Variants in POU2F3 observed in about 807,000 individuals in gnomAD.
POU2F3 encodes POU class 2 homeobox 3.
Under a neutral mutation model 59.2 loss-of-function variants are expected in POU2F3, and 23 were observed. The observed-to-expected ratio is 0.39, with a 90% CI of 0.28 to 0.55. The LOEUF (loss-of-function observed/expected upper bound fraction) is 0.55, where lower values mean the gene tolerates loss of function less well. POU2F3 is among the 20% of genes least tolerant of loss of function. POU2F3 has a pLI of 0.66. For missense variants in POU2F3, 473 were observed against 544.5 expected (o/e 0.87, Z 1.31); for synonymous variants, 190 against 214.6 (o/e 0.89, Z 1.00).
intron 1 of POU2F3, among the ~76,000 whole-genome samples, chr11:120,244,490 C>A (rs1047599730): frequency 1.3e-5 from 2 of 152,126 alleles, no homozygotes; most frequent in Non-Finnish European, 1.5e-5. Context: ...AATTCACATC[C>A]GAATATGTGG....
At chr11:120,291,576 A>G (rs1223155864) in intron 3 of POU2F3, among the ~76,000 whole-genome samples, 1 of 152,234 alleles carries the variant, frequency 6.6e-6, no homozygotes, top group Non-Finnish European at 1.5e-5. Context: ...TAATTCTATA[A>G]TTCCATCACA....
chr11:120,240,311 G>T lies in POU2F3; in HGVS notation c.-33G>T, dbSNP rs746281764. 1.0e-5 allele frequency: 14 copies of T among 1,362,358 alleles called. No individual in the cohort carries two copies. The highest frequency in any genetic ancestry group is 2.8e-5 in the East Asian group (1 of 35,272). The allele number at this position is 1,362,358 out of a possible 1,614,324, so 84.4% of individuals were successfully genotyped here. A position where few individuals can be genotyped will look rare whatever the true frequency, so the allele number is the denominator to read the frequency against. ...GCTGGGGCAGAGGCGAGGGGCCTGG[G>T]GGGGCGCTGGCTTTGGCCCCGCCTG... On this transcript the variant is annotated 5_prime_UTR_variant, in exon 1 of 13. Transcript: ENST00000543440.
intron 2 of POU2F3, among the ~76,000 whole-genome samples, chr11:120,258,047 T>C (rs892193123): frequency 2.6e-5 from 4 of 152,122 alleles, no homozygotes; most frequent in African/African-American, 9.7e-5. Flanking sequence ...CAAGTGTGAG[T>C]TGCTTTACAA....
intron 3 of POU2F3, among the ~76,000 whole-genome samples, chr11:120,289,114 C>G (rs917334924): frequency 6.6e-6 from 1 of 152,162 alleles, no homozygotes; most frequent in Non-Finnish European, 1.5e-5. Context: ...TGGATACCTT[C>G]TAGAACCCCA....
chr11:120,278,212 C>T (rs547915373), intron 3 of POU2F3, among the ~76,000 whole-genome samples: 1 of 152,206 alleles, frequency 6.6e-6, no homozygotes, highest in Admixed American at 6.5e-5. Context: ...TCCGGTGGGG[C>T]ACTTGGAAGT....
chr11:120,236,797 C>A (rs961696461), upstream of POU2F3: 18 of 1,282,398 alleles, frequency 1.4e-5, no homozygotes, highest in East Asian at 2.8e-4. Flanking sequence ...AGATTGCTCA[C>A]CATTCCCCCT....
At chr11:120,238,679 C>T (rs1040081962), upstream of POU2F3, among the ~76,000 whole-genome samples, 1 of 151,566 alleles carries the variant, frequency 6.6e-6, no homozygotes, top group African/African-American at 2.4e-5. Context: ...CCTAAAAACA[C>T]AAAAATTAGC....
intron 3 of POU2F3, among the ~76,000 whole-genome samples, chr11:120,273,881 G>A (rs893183516): frequency 6.6e-6 from 1 of 152,090 alleles, no homozygotes; most frequent in African/African-American, 2.4e-5. Context: ...GCTGGGTGTG[G>A]TGGCAGGTGC....
At chr11:120,294,835 T>G (rs764753251) in intron 3 of POU2F3, among the ~76,000 whole-genome samples, 10 of 152,170 alleles carry the variant, frequency 6.6e-5, no homozygotes, top group Non-Finnish European at 1.2e-4. Flanking sequence ...TATCTTTCAA[T>G]TTGATTGGTT....
chr11:120,266,476 T>C (rs1939830798), intron 2 of POU2F3, among the ~76,000 whole-genome samples: 1 of 152,138 alleles, frequency 6.6e-6, no homozygotes, highest in Non-Finnish European at 1.5e-5. Context: ...CCCATCCTCC[T>C]TGGATTGAAA....
rs1941706151 is a variant in POU2F3, at chr11:120,313,460, A to G, written c.1069-1901A>G. ...ACTTGTGATGTCATGAAGGAAAAGGAGGGAGAAAATTTTCTGATCCTATCT... is the reference window on the plus strand; with the variant it reads ...ACTTGTGATGTCATGAAGGAAAAGGGGGGAGAAAATTTTCTGATCCTATCT... On this transcript the variant is annotated intron_variant, in intron 10 of 12. Coordinates refer to ENST00000543440, the MANE Select transcript of POU2F3 (RefSeq NM_014352.4). Among the ~76,000 whole-genome samples, 5 of 152,206 alleles carry G rather than the reference A, an allele frequency of 3.3e-5. No individual in the cohort carries two copies. The South Asian group carries it at 1.0e-3, about 32-fold the overall frequency.
intron 2 of POU2F3, chr11:120,256,872 A>G (rs1221297831): frequency 6.6e-6 from 1 of 152,194 alleles, no homozygotes; most frequent in East Asian, 1.9e-4. Flanking sequence ...TGGAGATAAC[A>G]TGGTGTAGTA....
chr11:120,290,887 A>G lies in POU2F3; in HGVS notation c.133-7378A>G, dbSNP rs527739477. ...ATGTGCACTTCCTTTTATTGGATTC[A>G]TCTGGAACCCCATAGTAAAATACAC... On this transcript the variant is annotated intron_variant, in intron 3 of 12. Coordinates refer to ENST00000543440, the MANE Select transcript of POU2F3 (RefSeq NM_014352.4). 5.3e-5 allele frequency among the ~76,000 whole-genome samples: 8 copies of G among 152,338 alleles called. No individual in the cohort carries two copies. The South Asian group carries it at 1.7e-3, about 32-fold the overall frequency.
At chr11:120,313,005 A>G (rs1273604661) in intron 10 of POU2F3, among the ~76,000 whole-genome samples, 4 of 152,172 alleles carry the variant, frequency 2.6e-5, no homozygotes, top group Admixed American at 2.6e-4. Context: ...AAAGAAGCAC[A>G]GAAGGCCAGA....
At chr11:120,300,220 T>C (rs1941308995) in intron 5 of POU2F3, among the ~76,000 whole-genome samples, 1 of 152,200 alleles carries the variant, frequency 6.6e-6, no homozygotes, top group African/African-American at 2.4e-5. Flanking sequence ...CGCAGAGAAC[T>C]TCTCCCTGGC....
At chr11:120,314,296 T>C (rs1032995177) in intron 10 of POU2F3, among the ~76,000 whole-genome samples, 9 of 152,202 alleles carry the variant, frequency 5.9e-5, no homozygotes, top group African/African-American at 1.9e-4. Flanking sequence ...GAACTACCTT[T>C]CAATAGCCTT....
Position 120,307,809 on chromosome 11 carries a change from A to ACCT in POU2F3, c.906+206_906+208dup, listed in dbSNP as rs201635556. Among the ~76,000 whole-genome samples the ACCT allele has an allele frequency of 2.0e-5, 3 of 151,764 alleles. No individual in the cohort carries two copies. In the East Asian group the frequency reaches 5.8e-4, roughly 29 times the overall value. On this transcript the variant is annotated intron_variant, in intron 9 of 12. Coordinates refer to ENST00000543440, the MANE Select transcript of POU2F3 (RefSeq NM_014352.4). ...CTGCCCTCCATCTCAGGTTCCAGGA[A>ACCT]CCTCCTCCTCCTCCACTGACCCTTC... is the stretch of plus-strand genomic sequence containing the variant.
rs148667618 is a variant in POU2F3 at position 120,309,886 on chromosome 11, C to A, written c.1068+300C>A. Among the ~76,000 whole-genome samples the A allele has an allele frequency of 1.2e-3, 188 of 152,152 alleles. 1 individual carries two copies. The highest frequency in any genetic ancestry group is 4.2e-3 in the African/African-American group (176 of 41,506). ...TGAATGTTCTAGGCAGAGGACCTAG[C>A]AAGTGAAAAGAGCCAGTATGCTTAA... On this transcript the variant is annotated intron_variant, in intron 10 of 12. Transcript: ENST00000543440.
chr11:120,292,056 C>A (rs1941043214), intron 3 of POU2F3, among the ~76,000 whole-genome samples: 1 of 152,186 alleles, frequency 6.6e-6, no homozygotes. Context: ...GATCCACCAA[C>A]CTCAGCCTCC....
Sources: gnomAD v4.1 joint callset for allele counts (sites outside exome capture counted in the v4.1 genomes callset) on GRCh38, gnomAD v4.1.1 for gene constraint, MANE v1.5 for transcripts, NCBI Gene and HGNC (gene_info 2026-07-23, HGNC 2026-07-21) for gene names.